TAPT1: variants seen among roughly 807,000 people sequenced by gnomAD.
The protein encoded by TAPT1 is transmembrane anterior posterior transformation protein 1 homolog.
In TAPT1, 28 loss-of-function variants were observed where a neutral mutation model predicts 65.6. The ratio of observed to expected loss-of-function variants is 0.43; its 90% CI spans 0.32 to 0.59. TAPT1 has a LOEUF of 0.59. Among genes scored for constraint, TAPT1 ranks in the 20% least tolerant of loss-of-function variants. The probability of loss-of-function intolerance (pLI) is 0.09; values close to 1 mark genes in which losing one functional copy is unlikely to be tolerated. For missense variants in TAPT1, 563 were observed against 679.9 expected (o/e 0.83, Z 1.91); for synonymous variants, 278 against 245.2 (o/e 1.13, Z -1.25).
intron 1 of TAPT1, among the ~76,000 whole-genome samples, chr4:16,215,249 C>T (rs888908567): frequency 6.6e-6 from 1 of 152,062 alleles, no homozygotes; most frequent in Non-Finnish European, 1.5e-5. Flanking sequence ...CGAGATCACG[C>T]CACTGCACTC....
intron 12 of TAPT1, 136 bp from the exon 13 acceptor site, chr4:16,166,929 C>A: frequency 9.6e-6 from 7 of 731,140 alleles, no homozygotes; most frequent in South Asian, 5.3e-5. Context: ...GGAACTTACA[C>A]AAATCTTGAG....
Position 16,163,472 on chromosome 4 carries a change from T to C in TAPT1, c.1540A>G (p.Ile514Val). 2 of 1,614,032 alleles carry C rather than the reference T, an allele frequency of 1.2e-6. No individual in the cohort carries two copies. Among genetic ancestry groups the C allele is most frequent in the East Asian group, 2.2e-5 (1 of 44,880 alleles). ...TTGCTTGTCACAAGTAATGGTATGATATTTTCCTTTTGATGAATAGGTTGT... is the reference window on the plus strand; with the variant it reads ...TTGCTTGTCACAAGTAATGGTATGACATTTTCCTTTTGATGAATAGGTTGT... ...TKQPIHQKENIIPLLVTSNSD... is the reference protein window; with the variant it reads ...TKQPIHQKENVIPLLVTSNSD... The change falls in exon 14 of 14, where the codon ATC (isoleucine) becomes GTC (valine). Residue 514 changes from isoleucine to valine, a missense_variant. Coordinates refer to ENST00000405303, the MANE Select transcript of TAPT1 (RefSeq NM_153365.3).
intron 2 of TAPT1, among the ~76,000 whole-genome samples, chr4:16,209,737 G>T (rs897538153): frequency 8.5e-5 from 13 of 152,204 alleles, no homozygotes; most frequent in Non-Finnish European, 1.8e-4. Flanking sequence ...GTGGACAAAG[G>T]AATTGGAGCT....
At chr4:16,224,463 CAGAG>C (rs1751434595) in intron 1 of TAPT1, among the ~76,000 whole-genome samples, 1 of 152,162 alleles carries the variant, frequency 6.6e-6, no homozygotes, top group Admixed American at 6.5e-5. Context: ...TGTGGAGGCT[CAGAG>C]AGAACACTGG....
At chr4:16,193,652 T>C (rs1749518695) in intron 3 of TAPT1, among the ~76,000 whole-genome samples, 1 of 152,200 alleles carries the variant, frequency 6.6e-6, no homozygotes, top group African/African-American at 2.4e-5. Context: ...ATATTTCTCA[T>C]TCAAACACTG....
intron 2 of TAPT1, among the ~76,000 whole-genome samples, chr4:16,213,030 AGAC>A (rs1350969851): frequency 6.6e-6 from 1 of 152,266 alleles, no homozygotes; most frequent in African/African-American, 2.4e-5. Context: ...GATTCTAAGA[AGAC>A]GACTGGACTA....
intron 5 of TAPT1, 90 bp from the exon 6 acceptor site, chr4:16,186,968 CT>C (rs1275752958): frequency 4.3e-6 from 3 of 695,676 alleles, no homozygotes; most frequent in Non-Finnish European, 7.4e-6. Flanking sequence ...ATAAAGATGA[CT>C]TTCTTTTCTA....
chr4:16,194,017 A>T (rs1051989910), intron 3 of TAPT1, among the ~76,000 whole-genome samples: 1 of 152,228 alleles, frequency 6.6e-6, no homozygotes, highest in Non-Finnish European at 1.5e-5. Flanking sequence ...TTTATTTGAG[A>T]CAAAGGGCTT....
intron 3 of TAPT1, among the ~76,000 whole-genome samples, chr4:16,195,997 G>A (rs544583652): frequency 1.3e-4 from 20 of 152,210 alleles, no homozygotes; most frequent in Admixed American, 3.9e-4. Context: ...TAGATCTCTC[G>A]CTCTCTCTCA....
At chr4:16,179,816 GTGTGTGTGTGTA>G (rs1453791038) in intron 7 of TAPT1, among the ~76,000 whole-genome samples, 159 bp from the exon 8 acceptor site, 1 of 141,316 alleles carries the variant, frequency 7.1e-6, no homozygotes, top group Non-Finnish European at 1.5e-5. Flanking sequence ...GTGTGTGTGT[GTGTGTGTGTGTA>G]TATATAGGCT....
intron 1 of TAPT1, among the ~76,000 whole-genome samples, chr4:16,214,186 G>T (rs1324873734): frequency 6.6e-6 from 1 of 152,184 alleles, no homozygotes; most frequent in Non-Finnish European, 1.5e-5. Context: ...GTTCTTACAG[G>T]TGATACAGTA....
chr4:16,219,435 T>A (rs372499000), intron 1 of TAPT1, among the ~76,000 whole-genome samples: 1 of 152,198 alleles, frequency 6.6e-6, no homozygotes, highest in African/African-American at 2.4e-5. Context: ...GCCCCATGTA[T>A]CCCTATATTC....
Position 16,213,804 on chromosome 4 carries a change from T to C in TAPT1, c.294A>G (p.Val98=), listed in dbSNP as rs1391806958. Residue 98 remains valine, a synonymous_variant, in exon 2 of 14, where the codon GTA becomes GTG. Coordinates refer to ENST00000405303, the MANE Select transcript of TAPT1 (RefSeq NM_153365.3). ...CTCTTGGTATTCGCAAACAAGTGTA[T>C]ACTCTTTCTCTTCTTTCTGTATACT... ...EAKYTERRER[V]YTCLRIPREL... The C allele has an allele frequency of 3.7e-6, 6 of 1,603,978 alleles. No individual in the cohort carries two copies. The highest frequency in any genetic ancestry group is 5.1e-6 in the Non-Finnish European group (6 of 1,177,340).
chr4:16,177,330 G>A (rs1267480165), intron 8 of TAPT1, among the ~76,000 whole-genome samples: 1 of 152,070 alleles, frequency 6.6e-6, no homozygotes, highest in Non-Finnish European at 1.5e-5. Flanking sequence ...CACACCTACA[G>A]ACAACCTCCT....
chr4:16,227,212 C>G (rs759654983), upstream of TAPT1: 7 of 455,382 alleles, frequency 1.5e-5, no homozygotes, highest in Admixed American at 7.0e-5. Context: ...GCGGCCGGAC[C>G]GGCAGAGTTT....
chr4:16,169,506 A>G (rs1747854968), intron 12 of TAPT1, among the ~76,000 whole-genome samples: 1 of 152,256 alleles, frequency 6.6e-6, no homozygotes, highest in Non-Finnish European at 1.5e-5. Context: ...ATGTCAAAAA[A>G]TGAAAAGAGT....
chr4:16,188,680 G>C (rs1176647686), intron 4 of TAPT1, among the ~76,000 whole-genome samples: 1 of 151,286 alleles, frequency 6.6e-6, no homozygotes, highest in Non-Finnish European at 1.5e-5. Flanking sequence ...CAGCACTTTG[G>C]GAGGCCGAGG....
intron 2 of TAPT1, among the ~76,000 whole-genome samples, chr4:16,208,094 C>G (rs1750449614): frequency 6.6e-6 from 1 of 151,968 alleles, no homozygotes; most frequent in Non-Finnish European, 1.5e-5. Context: ...ATATTTAACC[C>G]AAGAAATAAA....
chr4:16,189,184 A>G (rs1386027229), intron 4 of TAPT1, among the ~76,000 whole-genome samples: 1 of 152,188 alleles, frequency 6.6e-6, no homozygotes, highest in Non-Finnish European at 1.5e-5. Flanking sequence ...AAAGAGAGAA[A>G]AGGAGGGCAT....
Sources: gnomAD v4.1 joint callset for allele counts (sites outside exome capture counted in the v4.1 genomes callset) on GRCh38, gnomAD v4.1.1 for gene constraint, MANE v1.5 for transcripts, NCBI Gene and HGNC (gene_info 2026-07-23, HGNC 2026-07-21) for gene names.